PRKDC: variants seen among roughly 807,000 people sequenced by gnomAD.
PRKDC encodes protein kinase, DNA-activated, catalytic subunit, also known as DNA-dependent protein kinase catalytic subunit.
A neutral mutation model predicts 486.9 loss-of-function variants in PRKDC; 82 were observed. That is an observed-to-expected ratio of 0.17 (90% CI 0.14 to 0.20). The LOEUF is 0.20. PRKDC is among the 10% of genes least tolerant of loss of function. The pLI is 1.00. For missense variants in PRKDC, 4,504 were observed against 5,038.2 expected, an observed-to-expected ratio of 0.89 and a Z score of 3.21; for synonymous variants, 1,895 against 1,837.0, an observed-to-expected ratio of 1.03 and a Z score of -0.81.
rs141437463 is a variant in PRKDC, at chr8:47,948,098, G to GCACACACA, written c.722-4077_722-4070dup. On this transcript the variant is annotated intron_variant, in intron 7 of 85. Coordinates refer to ENST00000314191, the MANE Select transcript of PRKDC (RefSeq NM_006904.7). ...ACCCTGTCTCAAAAAAAATATATTT[G>GCACACACA]CACACACACACACACACACACACAC... is the stretch of plus-strand genomic sequence containing the variant. Among the ~76,000 whole-genome samples, 756 of 140,272 alleles carry GCACACACA rather than the reference G, an allele frequency of 5.4e-3. 6 individuals are homozygous for GCACACACA. Among genetic ancestry groups the GCACACACA allele is most frequent in the African/African-American group, 0.012 (478 of 38,396 alleles). 92.0% of individuals were successfully genotyped at this position (140,272 alleles called of 152,430 possible). A position where few individuals can be genotyped will look rare whatever the true frequency, so the allele number is the denominator to read the frequency against.
chr8:47,884,045 A>G (rs1411666440), intron 36 of PRKDC, among the ~76,000 whole-genome samples: 1 of 152,272 alleles, frequency 6.6e-6, no homozygotes, highest in Non-Finnish European at 1.5e-5. Flanking sequence ...CTGAACTGAA[A>G]GTATTCAGAG....
intron 21 of PRKDC, among the ~76,000 whole-genome samples, chr8:47,922,343 G>A (rs778313585): frequency 1.1e-4 from 16 of 152,030 alleles, no homozygotes; most frequent in Non-Finnish European, 2.1e-4. Context: ...GCAGTGGTGC[G>A]CACCTGTAAT....
intron 35 of PRKDC, among the ~76,000 whole-genome samples, 151 bp from the exon 36 acceptor site, chr8:47,886,298 A>G (rs1589766032): frequency 6.6e-6 from 1 of 152,228 alleles, no homozygotes; most frequent in Non-Finnish European, 1.5e-5. Context: ...CTGAAATTGT[A>G]TATATTTCAA....
intron 83 of PRKDC, 134 bp downstream of exon 83, chr8:47,778,325 C>A: frequency 1.1e-6 from 1 of 946,322 alleles, no homozygotes; most frequent in South Asian, 1.7e-5. Flanking sequence ...TCCCTTTCTG[C>A]ATTCAATGAC....
intron 14 of PRKDC, among the ~76,000 whole-genome samples, chr8:47,934,537 AAAATAAAT>A (rs8178025): frequency 3.9e-5 from 6 of 152,180 alleles, no homozygotes; most frequent in East Asian, 1.9e-4. Context: ...TCTGTCTCAA[AAAATAAAT>A]AAATAAATAA....
intron 25 of PRKDC, 100 bp from the exon 26 acceptor site, chr8:47,905,076 T>C: frequency 2.5e-6 from 2 of 813,198 alleles, no homozygotes; most frequent in Non-Finnish European, 3.9e-6. Flanking sequence ...TAAAATTAAG[T>C]AATACTACTA....
chr8:47,870,351 C>T (rs778634190), intron 40 of PRKDC, among the ~76,000 whole-genome samples: 2 of 152,208 alleles, frequency 1.3e-5, no homozygotes, highest in Non-Finnish European at 2.9e-5. Flanking sequence ...GACAGAGAGA[C>T]TCCATTTGTT....
At chr8:47,830,583 A>AGTGTT in intron 61 of PRKDC, 22 bp downstream of exon 61, 2 of 1,609,210 alleles carry the variant, frequency 1.2e-6, no homozygotes, top group Non-Finnish European at 1.7e-6. Context: ...TGTCAACAGA[A>AGTGTT]AACGCAGCGG....
rs748689487 is a variant in PRKDC, at chr8:47,797,420, C to T, written c.10458+817G>A. On this transcript the variant is annotated intron_variant, in intron 73 of 85. Coordinates refer to ENST00000314191, the MANE Select transcript of PRKDC (RefSeq NM_006904.7). ...CTGAGAAAGTCTACTATTCAGAATG[C>T]AGAAAAAGGTGGAAGGAGTGGTTAG... Among the ~76,000 whole-genome samples the T allele has an allele frequency of 1.3e-3, 195 of 152,218 alleles. 2 individuals carry two copies. Among genetic ancestry groups the T allele is most frequent in the Non-Finnish European group, 1.9e-3 (126 of 68,012 alleles).
intron 1 of PRKDC, 34 bp downstream of exon 1, chr8:47,959,938 GA>G: frequency 6.5e-7 from 1 of 1,530,386 alleles, no homozygotes; most frequent in African/African-American, 1.4e-5. Flanking sequence ...GGGAAGCCAG[GA>G]CCCACCCGCG....
intron 3 of PRKDC, 104 bp from the exon 4 acceptor site, chr8:47,956,052 A>T: frequency 1.2e-6 from 1 of 832,380 alleles, no homozygotes; most frequent in Non-Finnish European, 1.9e-6. Context: ...ACCAAAATTC[A>T]GTATTTAGCT....
intron 76 of PRKDC, among the ~76,000 whole-genome samples, chr8:47,786,886 T>A (rs904625010): frequency 2.0e-5 from 3 of 151,724 alleles, no homozygotes; most frequent in Non-Finnish European, 4.4e-5. Context: ...CACACCACCG[T>A]GCCTGGCTAA....
In PRKDC at chr8:47,912,529, T is replaced by G. The variant is rs1416883354; in HGVS notation, c.2815A>C (p.Met939Leu). 8 of 1,612,692 alleles carry G rather than the reference T, an allele frequency of 5.0e-6. No individual in the cohort carries two copies. Among genetic ancestry groups the G allele is most frequent in the Non-Finnish European group, 6.8e-6 (8 of 1,179,216 alleles). The change falls in exon 25 of 86, where the codon ATG becomes CTG. Residue 939 changes from methionine (M) to leucine (L), a missense_variant. Around this residue, in one of 6 missense-constraint regions of PRKDC, gnomAD observed 1,969 missense variants for 2,068.9 expected, o/e 0.95. Coordinates refer to ENST00000314191, the MANE Select transcript of PRKDC (RefSeq NM_006904.7). ...TGCGTGGCTTTGCCCAACATAAACATAACCATGCTATGTAAAAGTTCACAG... is the reference window on the plus strand; with the variant it reads ...TGCGTGGCTTTGCCCAACATAAACAGAACCATGCTATGTAAAAGTTCACAG... ...AACELLHSMV[M>L]FMLGKATQMP...
chr8:47,956,303 A>G (rs2090698970), intron 3 of PRKDC, among the ~76,000 whole-genome samples: 1 of 152,190 alleles, frequency 6.6e-6, no homozygotes, highest in Non-Finnish European at 1.5e-5. Flanking sequence ...CGGAGGTTGC[A>G]GTGAGCCAAG....
chr8:47,836,502 C>T lies in PRKDC; in HGVS notation c.7787G>A (p.Arg2596His), dbSNP rs201726098. ...FQEYTIDSDWRFRSTVLTPMF... is the reference protein window; with the variant it reads ...FQEYTIDSDWHFRSTVLTPMF... ...CGGAGTGAGAACAGTACTTCGGAAA[C>T]GCCAATCAGAATCAATGGTATATTC... is the stretch of plus-strand genomic sequence containing the variant. The change falls in exon 58 of 86, where the codon CGT becomes CAT. Residue 2596 changes from arginine (R) to histidine (H), a missense_variant. Transcript: ENST00000314191. 1.0e-4 allele frequency: 164 copies of T among 1,605,002 alleles called. No homozygotes were observed. The highest frequency in any genetic ancestry group is 3.9e-4 in the South Asian group (35 of 89,466).
chr8:47,936,985 G>A (rs1024028498), intron 11 of PRKDC, among the ~76,000 whole-genome samples: 3 of 150,652 alleles, frequency 2.0e-5, no homozygotes, highest in East Asian at 2.0e-4. Context: ...CGGGTGCGGC[G>A]GCCCATGCCT....
At chr8:47,924,569 A>G (rs1399139830) in intron 21 of PRKDC, among the ~76,000 whole-genome samples, 1 of 151,906 alleles carries the variant, frequency 6.6e-6, no homozygotes, top group Non-Finnish European at 1.5e-5. Context: ...CAAAATAATA[A>G]TAATAATAAT....
At chr8:47,952,721 G>A (rs894354492) in intron 7 of PRKDC, among the ~76,000 whole-genome samples, 4 of 152,070 alleles carry the variant, frequency 2.6e-5, no homozygotes, top group Non-Finnish European at 4.4e-5. Context: ...GAATTAAAAA[G>A]GGCCAGGTGC....
Position 47,916,214 on chromosome 8 carries a change from A to C in PRKDC, c.2527-796T>G, listed in dbSNP as rs529826638. Among the ~76,000 whole-genome samples the C allele has an allele frequency of 5.3e-5, 8 of 152,242 alleles. No individual in the cohort carries two copies. In the East Asian group the frequency reaches 1.4e-3, roughly 26 times the overall value. ...CTGTATCCCAGCATTTTGGGAGGCC[A>C]AGGTGGGCAGATCACGAGGTCAGGA... is the stretch of plus-strand genomic sequence containing the variant. On this transcript the variant is annotated intron_variant, in intron 22 of 85. Transcript: ENST00000314191.
Sources: gnomAD v4.1 joint callset for allele counts (sites outside exome capture counted in the v4.1 genomes callset) on GRCh38, gnomAD v4.1.1 for gene constraint, gnomAD v4.1.1 regional missense constraint, MANE v1.5 for transcripts, NCBI Gene and HGNC (gene_info 2026-07-23, HGNC 2026-07-21) for gene names.